Variants in B3GLCT observed in about 807,000 individuals in gnomAD.
B3GLCT encodes the protein beta 3-glucosyltransferase, also known as beta-1,3-glucosyltransferase.
Under a neutral mutation model 63.4 loss-of-function variants are expected in B3GLCT, and 65 were observed. The observed-to-expected ratio is 1.03, with a 90% CI of 0.84 to 1.26. B3GLCT has a LOEUF of 1.26. B3GLCT is among the 50% of genes most tolerant of loss of function. The pLI, the probability that B3GLCT is intolerant of heterozygous loss-of-function variation, is 0.00. For missense variants in B3GLCT, 577 were observed against 604.8 expected, an observed-to-expected ratio of 0.95 and a Z score of 0.48; for synonymous variants, 233 against 219.2, an observed-to-expected ratio of 1.06 and a Z score of -0.55.
At chr13:31,313,133 G>T (rs1394011699) in intron 12 of B3GLCT, among the ~76,000 whole-genome samples, 5 of 152,128 alleles carry the variant, frequency 3.3e-5, no homozygotes, top group Non-Finnish European at 7.4e-5. Flanking sequence ...ATTAGCTAGG[G>T]TATTTTTATA....
At position 31,247,960 on chromosome 13, in the gene B3GLCT, C is replaced by G; in HGVS notation, c.453C>G (p.Pro151=). Residue 151 remains proline, a synonymous_variant, in exon 6 of 15, where the codon CCC becomes CCG. Transcript: ENST00000343307. ...TGGAAACCCTCAGAAGATATGACCCCTCTAAGGTGAATATAACTTCAATAC... is the reference window on the plus strand; with the variant it reads ...TGGAAACCCTCAGAAGATATGACCCGTCTAAGGTGAATATAACTTCAATAC... The part of the protein sequence containing the change: ...KLLETLRRYD[P]SKEWFLGKAL... The G allele has an allele frequency of 6.4e-7, 1 of 1,556,672 alleles. No homozygotes were observed. Among genetic ancestry groups the G allele is most frequent in the Non-Finnish European group, 8.9e-7 (1 of 1,128,040 alleles).
chr13:31,321,495 G>A (rs1432151335), intron 13 of B3GLCT, among the ~76,000 whole-genome samples: 1 of 152,194 alleles, frequency 6.6e-6, no homozygotes, highest in East Asian at 1.9e-4. Context: ...TGTCATAAGG[G>A]TAAGTATTGT....
intron 4 of B3GLCT, among the ~76,000 whole-genome samples, chr13:31,236,688 A>G (rs949679750): frequency 2.6e-5 from 4 of 152,232 alleles, no homozygotes; most frequent in African/African-American, 9.6e-5. Context: ...TTTTGGGTTA[A>G]CAAGTCTTTT....
intron 12 of B3GLCT, among the ~76,000 whole-genome samples, chr13:31,297,090 A>G (rs1020115816): frequency 1.3e-5 from 2 of 151,046 alleles, no homozygotes; most frequent in African/African-American, 4.9e-5. Flanking sequence ...TCCGTGTTGT[A>G]GCATATTGCA....
chr13:31,253,877 C>A (rs540583578), intron 6 of B3GLCT, among the ~76,000 whole-genome samples: 3 of 152,006 alleles, frequency 2.0e-5, no homozygotes, highest in African/African-American at 7.2e-5. Flanking sequence ...CACAGAAATA[C>A]AAACTACTAT....
chr13:31,226,147 G>T (rs116569044), intron 3 of B3GLCT, among the ~76,000 whole-genome samples: 1 of 152,080 alleles, frequency 6.6e-6, no homozygotes, highest in Non-Finnish European at 1.5e-5. Flanking sequence ...CCTTGCACTC[G>T]CCCCCGATTG....
At chr13:31,281,605 G>A (rs896246260) in intron 10 of B3GLCT, among the ~76,000 whole-genome samples, 2 of 152,120 alleles carry the variant, frequency 1.3e-5, no homozygotes, top group South Asian at 2.1e-4. Flanking sequence ...GCATCCAGGA[G>A]GGATACTTTT....
intron 12 of B3GLCT, among the ~76,000 whole-genome samples, chr13:31,287,803 CT>C (rs764072878): frequency 2.6e-5 from 4 of 152,142 alleles, no homozygotes; most frequent in Non-Finnish European, 5.9e-5. Context: ...GTCTCTTAGT[CT>C]TAAATAAGTT....
intron 1 of B3GLCT, among the ~76,000 whole-genome samples, chr13:31,202,706 A>C (rs1566036883): frequency 6.6e-6 from 1 of 152,168 alleles, no homozygotes; most frequent in Non-Finnish European, 1.5e-5. Context: ...AGCTCATTCA[A>C]GGTGGCTGAC....
chr13:31,289,392 C>A (rs1055829160), intron 12 of B3GLCT, among the ~76,000 whole-genome samples: 1 of 152,026 alleles, frequency 6.6e-6, no homozygotes, highest in Non-Finnish European at 1.5e-5. Flanking sequence ...TACAGGAGAT[C>A]CAGTGATCTT....
chr13:31,246,622 G>A (rs1871203128), intron 4 of B3GLCT, among the ~76,000 whole-genome samples: 1 of 152,134 alleles, frequency 6.6e-6, no homozygotes, highest in Admixed American at 6.6e-5. Flanking sequence ...TGTTCCATAT[G>A]TTGTATATAA....
chr13:31,302,396 T>C (rs1874268220), intron 12 of B3GLCT, among the ~76,000 whole-genome samples: 1 of 150,538 alleles, frequency 6.6e-6, no homozygotes, highest in Non-Finnish European at 1.5e-5. Context: ...GGGTGATTTC[T>C]GCATTTCCAT....
At chr13:31,295,903 C>G (rs1019532414) in intron 12 of B3GLCT, among the ~76,000 whole-genome samples, 2 of 152,228 alleles carry the variant, frequency 1.3e-5, no homozygotes, top group African/African-American at 4.8e-5. Context: ...GCCCAAATGG[C>G]TGCCCAGTTT....
chr13:31,290,640 T>C (rs1321751110), intron 12 of B3GLCT, among the ~76,000 whole-genome samples: 1 of 152,266 alleles, frequency 6.6e-6, no homozygotes, highest in Non-Finnish European at 1.5e-5. Flanking sequence ...ATATGTTTGT[T>C]GGCCACATAA....
At position 31,298,655 on chromosome 13, in the gene B3GLCT, C is replaced by T. The variant is rs1460103515; in HGVS notation, c.1064+11836C>T. Among the ~76,000 whole-genome samples the T allele has an allele frequency of 3.3e-5, 5 of 152,164 alleles. No homozygotes were observed. The East Asian group carries it at 7.7e-4, about 23-fold the overall frequency. On this transcript the variant is annotated intron_variant, in intron 12 of 14. Transcript: ENST00000343307. The stretch of plus-strand genomic sequence containing the variant: ...TCCGTTAATACCCAAATGTTTCCAC[C>T]TTTGGAAGAGACATCAGAATCACTA...
chr13:31,210,642 A>G (rs1336971242), intron 1 of B3GLCT, among the ~76,000 whole-genome samples: 1 of 152,174 alleles, frequency 6.6e-6, no homozygotes, highest in Non-Finnish European at 1.5e-5. Flanking sequence ...TGAAACCAGG[A>G]TTTTTATGGA....
intron 1 of B3GLCT, among the ~76,000 whole-genome samples, chr13:31,206,328 T>G (rs1868949421): frequency 6.6e-6 from 1 of 152,198 alleles, no homozygotes; most frequent in African/African-American, 2.4e-5. Flanking sequence ...AGATCTGAAA[T>G]GAGACTTCCA....
In B3GLCT at chr13:31,241,309, G is replaced by A. The variant is rs552537430; in HGVS notation, c.271-5714G>A. Reference sequence around the variant, plus strand: ...CCTTCCAGCATGGCATGTTGGATGAGTATGGAGCTGGAGACCCCAAGAATC... The same window carrying A: ...CCTTCCAGCATGGCATGTTGGATGAATATGGAGCTGGAGACCCCAAGAATC... On this transcript the variant is annotated intron_variant, in intron 4 of 14. Transcript: ENST00000343307. 3.9e-5 allele frequency among the ~76,000 whole-genome samples: 6 copies of A among 152,340 alleles called. No homozygotes were observed. The South Asian group carries it at 6.2e-4, about 16-fold the overall frequency.
At chr13:31,260,878 A>G (rs1871990630) in intron 6 of B3GLCT, 68 bp from the exon 7 acceptor site, 1 of 1,432,960 alleles carries the variant, frequency 7.0e-7, no homozygotes, top group Non-Finnish European at 9.8e-7. Flanking sequence ...AACCAATAGT[A>G]CCACCTTCTA....
Sources: gnomAD v4.1 joint callset for allele counts (sites outside exome capture counted in the v4.1 genomes callset) on GRCh38, gnomAD v4.1.1 for gene constraint, MANE v1.5 for transcripts, NCBI Gene and HGNC (gene_info 2026-07-23, HGNC 2026-07-21) for gene names.